Variants in WSCD2 observed in about 807,000 individuals in gnomAD.
The protein encoded by WSCD2 is sialate:O-sulfotransferase 2.
WSCD2 carries 28 observed loss-of-function variants against 55.7 expected under a neutral mutation model. That is an observed-to-expected ratio of 0.50 (90% CI 0.37 to 0.69). WSCD2 has a LOEUF of 0.69. Ranked by LOEUF, WSCD2 falls within the 30% of genes least tolerant of loss-of-function variation. The probability of loss-of-function intolerance (pLI) is 0.00; values close to 1 mark genes in which losing one functional copy is unlikely to be tolerated. For missense variants in WSCD2, 616 were observed against 762.1 expected (o/e 0.81, Z 2.26); for synonymous variants, 301 against 301.9 (o/e 1.00, Z 0.03).
chr12:108,234,144 T>G (rs983812428), intron 7 of WSCD2, among the ~76,000 whole-genome samples: 5 of 152,138 alleles, frequency 3.3e-5, no homozygotes, highest in Admixed American at 2.0e-4. Context: ...GAGCTAAAAA[T>G]AAAATAAAAA....
chr12:108,233,067 G>T, intron 7 of WSCD2, 172 bp downstream of exon 7: 1 of 793,306 alleles, frequency 1.3e-6, no homozygotes, highest in East Asian at 2.8e-5. Flanking sequence ...CTTCCTTTAT[G>T]CCCCACAAAC....
chr12:108,199,574 T>A (rs1884392965), intron 2 of WSCD2, among the ~76,000 whole-genome samples: 1 of 152,228 alleles, frequency 6.6e-6, no homozygotes, highest in Non-Finnish European at 1.5e-5. Flanking sequence ...ATTTCCTCTT[T>A]GGGATAAAAA....
chr12:108,245,084 G>A (rs1165800465), intron 8 of WSCD2, among the ~76,000 whole-genome samples: 3 of 152,004 alleles, frequency 2.0e-5, no homozygotes, highest in Non-Finnish European at 4.4e-5. Flanking sequence ...CTTTCTCTTT[G>A]GGTAGATACC....
At chr12:108,218,035 C>G (rs923678426) in intron 4 of WSCD2, among the ~76,000 whole-genome samples, 9 of 152,194 alleles carry the variant, frequency 5.9e-5, no homozygotes, top group Non-Finnish European at 8.8e-5. Flanking sequence ...GGGTCTCCCC[C>G]TCTTTTCAGT....
chr12:108,213,145 T>A (rs1886427698), intron 4 of WSCD2, among the ~76,000 whole-genome samples: 1 of 152,210 alleles, frequency 6.6e-6, no homozygotes, highest in Non-Finnish European at 1.5e-5. Flanking sequence ...AGAGGCTCAG[T>A]GGTCAGTAAA....
intron 8 of WSCD2, among the ~76,000 whole-genome samples, chr12:108,245,286 A>G (rs35766095): frequency 0.036 from 5,468 of 152,270 alleles, 131 homozygotes; most frequent in Non-Finnish European, 0.054. Flanking sequence ...TGGAGCCAGT[A>G]TTAAGAATTC....
At chr12:108,139,710 A>C (rs888736015) in intron 1 of WSCD2, among the ~76,000 whole-genome samples, 7 of 152,258 alleles carry the variant, frequency 4.6e-5, no homozygotes, top group Non-Finnish European at 1.0e-4. Context: ...GAAGCCCAGC[A>C]CAATACCTAG....
At chr12:108,246,484 G>A (rs1393275251) in intron 8 of WSCD2, among the ~76,000 whole-genome samples, 1 of 152,220 alleles carries the variant, frequency 6.6e-6, no homozygotes, top group African/African-American at 2.4e-5. Context: ...AATTGAGGCT[G>A]TGATTCCTCT....
intron 1 of WSCD2, among the ~76,000 whole-genome samples, chr12:108,146,764 G>A (rs2136899796): frequency 6.6e-6 from 1 of 152,310 alleles, no homozygotes; most frequent in South Asian, 2.1e-4. Flanking sequence ...CTCCCTTTCT[G>A]CACAGACTGA....
chr12:108,206,522 G>A, intron 3 of WSCD2, 119 bp downstream of exon 3: 1 of 960,776 alleles, frequency 1.0e-6, no homozygotes, highest in Non-Finnish European at 1.6e-6. Context: ...GTGACCACAG[G>A]AAAGGTTGAC....
rs556169000 is a variant in WSCD2 at position 108,151,172 on chromosome 12, G to A, written c.-552+21246G>A. On this transcript the variant is annotated intron_variant, in intron 1 of 8. Coordinates refer to ENST00000547525, the MANE Select transcript of WSCD2 (RefSeq NM_014653.4). ...ACTGCTGACCTACCATCTACTACAG[G>A]CTTTCTCATCCTCAACCCTGTTGAC... is the stretch of plus-strand genomic sequence containing the variant. Among the ~76,000 whole-genome samples, 6 of 152,144 alleles carry A rather than the reference G, an allele frequency of 3.9e-5. No individual in the cohort carries two copies. In the East Asian group the frequency reaches 1.2e-3, roughly 29 times the overall value.
At chr12:108,193,168 A>G (rs915740193) in intron 1 of WSCD2, among the ~76,000 whole-genome samples, 1 of 152,226 alleles carries the variant, frequency 6.6e-6, no homozygotes, top group Non-Finnish European at 1.5e-5. Flanking sequence ...TGTTTAAATG[A>G]GAGTATGTAT....
At chr12:108,232,991 C>T (rs1049148740) in intron 7 of WSCD2, 96 bp downstream of exon 7, 1 of 1,488,894 alleles carries the variant, frequency 6.7e-7, no homozygotes, top group African/African-American at 1.4e-5. Context: ...TGAGTATCTA[C>T]TGTGTGCCAC....
In WSCD2 at chr12:108,244,740, C is replaced by A. The variant is rs188208595; in HGVS notation, c.1346-3251C>A. 6.6e-3 allele frequency among the ~76,000 whole-genome samples: 1,010 copies of A among 152,222 alleles called. 7 individuals carry two copies. The highest frequency in any genetic ancestry group is 8.1e-3 in the Non-Finnish European group (548 of 68,002). ...CTATAAACAGACCCCAGGTCTCAGACAACAGCCTGAAGGTAAAGTGAGCAG... is the reference window on the plus strand; with the variant it reads ...CTATAAACAGACCCCAGGTCTCAGAAAACAGCCTGAAGGTAAAGTGAGCAG... On this transcript the variant is annotated intron_variant, in intron 8 of 8. Transcript: ENST00000547525.
chr12:108,193,860 A>T (rs1355420869), intron 1 of WSCD2, among the ~76,000 whole-genome samples: 1 of 152,200 alleles, frequency 6.6e-6, no homozygotes, highest in East Asian at 1.9e-4. Context: ...TACGAGGGTG[A>T]CATAGTATGT....
chr12:108,213,346 A>C (rs1203293306), intron 4 of WSCD2, among the ~76,000 whole-genome samples: 2 of 152,232 alleles, frequency 1.3e-5, no homozygotes, highest in Non-Finnish European at 2.9e-5. Context: ...TTTTGAGCTG[A>C]ATCTCATTCT....
In WSCD2 at chr12:108,248,387, C is replaced by G. The variant is rs1424080409; in HGVS notation, c.*44C>G. On this transcript the variant is annotated 3_prime_UTR_variant, in exon 9 of 9. Coordinates refer to ENST00000547525, the MANE Select transcript of WSCD2 (RefSeq NM_014653.4). This position sits in a 1 kb window ranked among gnomAD's most constrained non-coding sequence, Gnocchi z 4.3. ...GGGTAGACTGGGAGTCCTGACCACG[C>G]AGGCCCTGGGGACTCAAGACCCCTG... 1.9e-6 allele frequency: 3 copies of G among 1,576,690 alleles called. No individual in the cohort carries two copies. In the African/African-American group the frequency reaches 4.0e-5, roughly 21 times the overall value.
chr12:108,244,520 A>G lies in WSCD2; in HGVS notation c.1346-3471A>G, dbSNP rs766259140. 3 of 702,996 alleles carry G rather than the reference A, an allele frequency of 4.3e-6. No homozygotes were observed. The South Asian group carries it at 4.4e-5, about 10-fold the overall frequency. The allele number at this position is 702,996 out of a possible 1,614,324, so 43.5% of individuals were successfully genotyped here. A position where few individuals can be genotyped will look rare whatever the true frequency, so the allele number is the denominator to read the frequency against. ...ATTTATTGAGCACCTTGCTTGTCCC[A>G]GGAGCCGTACCAGGATCTTTGCAAA... On this transcript the variant is annotated intron_variant, in intron 8 of 8. Coordinates refer to ENST00000547525, the MANE Select transcript of WSCD2 (RefSeq NM_014653.4).
intron 7 of WSCD2, among the ~76,000 whole-genome samples, chr12:108,237,169 G>A (rs185958659): frequency 6.6e-6 from 1 of 152,276 alleles, no homozygotes; most frequent in East Asian, 1.9e-4. Context: ...TAAACTCTAG[G>A]GCATGCAGAG....
Sources: gnomAD v4.1 joint callset for allele counts (sites outside exome capture counted in the v4.1 genomes callset) on GRCh38, gnomAD v4.1.1 for gene constraint, Gnocchi (gnomAD v3.1) non-coding constraint, MANE v1.5 for transcripts, NCBI Gene and HGNC (gene_info 2026-07-23, HGNC 2026-07-21) for gene names.